Variants in LUZP2 observed in about 807,000 individuals in gnomAD.
LUZP2 encodes the protein leucine zipper protein 2.
In LUZP2, 52 loss-of-function variants were observed where a neutral mutation model predicts 51.6. The ratio of observed to expected loss-of-function variants is 1.01; its 90% CI spans 0.81 to 1.27. The LOEUF is 1.27. Among genes scored for constraint, LUZP2 ranks in the 50% most tolerant of loss-of-function variants. The pLI, the probability that LUZP2 is intolerant of heterozygous loss-of-function variation, is 0.00. For missense variants in LUZP2, 436 were observed against 395.4 expected (o/e 1.10, Z -0.87); for synonymous variants, 154 against 137.3 (o/e 1.12, Z -0.85).
In LUZP2 at chr11:25,062,185, G is replaced by GGA. The variant is rs1220382794; in HGVS notation, c.858+12067_858+12068dup. Among the ~76,000 whole-genome samples, 2 of 148,870 alleles carry GGA rather than the reference G, an allele frequency of 1.3e-5. 1 individual carries two copies. Among genetic ancestry groups the GGA allele is most frequent in the African/African-American group, 4.9e-5 (2 of 40,924 alleles). On this transcript the variant is annotated intron_variant, in intron 10 of 11. Transcript: ENST00000336930. ...GGGAAAGAAGGAGAGGAGGAGGAAG[G>GGA]GAGAGAGAGAGAGGTAGAAATAATG... is the stretch of plus-strand genomic sequence containing the variant.
intron 5 of LUZP2, among the ~76,000 whole-genome samples, chr11:24,836,442 A>G (rs1305610705): frequency 1.3e-5 from 2 of 151,882 alleles, no homozygotes; most frequent in East Asian, 3.9e-4. Flanking sequence ...AATTTGGTAG[A>G]AATAAAGGAG....
chr11:24,997,061 T>G (rs1158634717), intron 9 of LUZP2, among the ~76,000 whole-genome samples: 1 of 149,638 alleles, frequency 6.7e-6, no homozygotes, highest in Non-Finnish European at 1.5e-5. Flanking sequence ...CTATTGTGAA[T>G]AGTGCCACAA....
intron 9 of LUZP2, among the ~76,000 whole-genome samples, chr11:24,984,010 G>A (rs940729447): frequency 4.0e-5 from 6 of 151,590 alleles, no homozygotes; most frequent in African/African-American, 1.5e-4. Context: ...TCAATTTGTA[G>A]GCCCTACATA....
intron 10 of LUZP2, among the ~76,000 whole-genome samples, chr11:25,066,665 G>A (rs1259008874): frequency 2.0e-5 from 3 of 151,878 alleles, no homozygotes; most frequent in Admixed American, 6.6e-5. Context: ...TTTATGCAGT[G>A]AGTTAGCATG....
At chr11:24,499,852 A>G (rs537562026) in intron 1 of LUZP2, among the ~76,000 whole-genome samples, 152 of 152,062 alleles carry the variant, frequency 1.0e-3, no homozygotes, top group Non-Finnish European at 1.8e-3. Context: ...ATAGGTCTGA[A>G]GTTCAGTTCT....
intron 1 of LUZP2, among the ~76,000 whole-genome samples, chr11:24,619,311 G>A (rs1854412635): frequency 6.6e-6 from 1 of 152,030 alleles, no homozygotes; most frequent in South Asian, 2.1e-4. Flanking sequence ...TGGGATTATG[G>A]GTGTATGTCA....
intron 5 of LUZP2, among the ~76,000 whole-genome samples, chr11:24,840,458 T>C (rs141092954): frequency 5.9e-5 from 9 of 152,034 alleles, no homozygotes; most frequent in African/African-American, 2.2e-4. Context: ...TATACCATGC[T>C]GATGGTCCTC....
intron 9 of LUZP2, among the ~76,000 whole-genome samples, chr11:25,001,710 T>A (rs1856685680): frequency 2.0e-5 from 3 of 152,176 alleles, no homozygotes; most frequent in Admixed American, 2.0e-4. Flanking sequence ...TTTGACTTCA[T>A]CTTTGTCTAT....
intron 9 of LUZP2, among the ~76,000 whole-genome samples, chr11:25,022,936 T>C: frequency 6.6e-6 from 1 of 152,152 alleles, no homozygotes; most frequent in East Asian, 1.9e-4. Context: ...GTTCTGTTTA[T>C]ATGATGGATT....
intron 5 of LUZP2, among the ~76,000 whole-genome samples, chr11:24,852,328 A>G (rs1851422006): frequency 6.6e-6 from 1 of 152,152 alleles, no homozygotes; most frequent in Admixed American, 6.5e-5. Flanking sequence ...TTGGTTTCAA[A>G]TAACTTATTT....
At chr11:24,833,693 C>T (rs11028201) in intron 5 of LUZP2, among the ~76,000 whole-genome samples, 2,055 of 102,520 alleles carry the variant, frequency 0.02, 50 homozygotes, top group East Asian at 0.18. Flanking sequence ...ACGTCCCCCA[C>T]GCCTGCCACC....
chr11:25,007,293 C>T (rs61892137), intron 9 of LUZP2, among the ~76,000 whole-genome samples: 2,713 of 152,256 alleles, frequency 0.018, 43 homozygotes, highest in Non-Finnish European at 0.028. Context: ...AACCTGAAAT[C>T]CTATAAAAGT....
chr11:25,078,183 T>TTA (rs1171656597), intron 11 of LUZP2, among the ~76,000 whole-genome samples: 4 of 152,196 alleles, frequency 2.6e-5, no homozygotes, highest in African/African-American at 9.7e-5. Context: ...TTGTACTGTA[T>TTA]TATACTTGAC....
At chr11:24,979,737 G>GA (rs1437375762) in intron 8 of LUZP2, among the ~76,000 whole-genome samples, 1 of 151,688 alleles carries the variant, frequency 6.6e-6, no homozygotes, top group Non-Finnish European at 1.5e-5. Context: ...TTTATGCTAA[G>GA]AAAAATCTCT....
intron 7 of LUZP2, among the ~76,000 whole-genome samples, chr11:24,943,812 A>G (rs1433132842): frequency 6.8e-6 from 1 of 147,150 alleles, no homozygotes; most frequent in African/African-American, 2.5e-5. Context: ...CAGGAGGCAG[A>G]GGTTGTAGTG....
intron 1 of LUZP2, among the ~76,000 whole-genome samples, chr11:24,531,982 C>A (rs1851015971): frequency 6.6e-6 from 1 of 150,984 alleles, no homozygotes; most frequent in African/African-American, 2.4e-5. Context: ...GTAATCCAAG[C>A]TGCTGCAATT....
chr11:24,554,201 A>T (rs967526403), intron 1 of LUZP2, among the ~76,000 whole-genome samples: 2 of 152,182 alleles, frequency 1.3e-5, no homozygotes, highest in African/African-American at 4.8e-5. Flanking sequence ...AGGTAGACAC[A>T]TTCCGATTTT....
At chr11:24,965,879 G>C (rs1375178122) in intron 7 of LUZP2, among the ~76,000 whole-genome samples, 3 of 151,554 alleles carry the variant, frequency 2.0e-5, no homozygotes, top group Non-Finnish European at 4.4e-5. Flanking sequence ...TTAGATAGAG[G>C]GAACATTTAA....
intron 1 of LUZP2, among the ~76,000 whole-genome samples, chr11:24,513,313 A>G (rs1413072147): frequency 6.6e-6 from 1 of 152,154 alleles, no homozygotes; most frequent in African/African-American, 2.4e-5. Context: ...TTAGCTAAAA[A>G]CATCTATATT....
Sources: allele counts gnomAD v4.1 joint callset (sites outside exome capture counted in the v4.1 genomes callset), GRCh38; gene constraint gnomAD v4.1.1; transcripts MANE v1.5; gene names NCBI Gene and HGNC (gene_info 2026-07-23, HGNC 2026-07-21).